Variants in PABPC1L observed in about 807,000 individuals in gnomAD.
The protein encoded by PABPC1L is polyadenylate-binding protein 1-like.
PABPC1L carries 31 observed loss-of-function variants against 66.6 expected under a neutral mutation model. That is an observed-to-expected ratio of 0.47 (90% CI 0.35 to 0.63). The LOEUF is 0.63. Ranked by LOEUF, PABPC1L falls within the 20% of genes least tolerant of loss-of-function variation. The probability of loss-of-function intolerance (pLI) is 0.00; values close to 1 mark genes in which losing one functional copy is unlikely to be tolerated. For synonymous variants in PABPC1L, 348 were observed against 335.1 expected (o/e 1.04, Z -0.42); for missense variants, 722 against 848.8 (o/e 0.85, Z 1.86).
rs192981916 is a variant in PABPC1L, at chr20:44,916,677, G to A, written c.388-79G>A. 3.0e-6 allele frequency: 4 copies of A among 1,335,834 alleles called. No individual in the cohort carries two copies. In the Admixed American group the frequency reaches 6.7e-5, roughly 22 times the overall value. 82.7% of individuals were successfully genotyped at this position (1,335,834 alleles called of 1,614,324 possible). On this transcript the variant is annotated intron_variant, in intron 2 of 14. Transcript: ENST00000217073. The stretch of plus-strand genomic sequence containing the variant: ...CAGGCACAGCAGGCATGCAGAGACT[G>A]GTCGTGATCACCTTTGCCATTCCTT...
intron 10 of PABPC1L, among the ~76,000 whole-genome samples, chr20:44,933,633 CG>C (rs1568651800): frequency 1.7e-4 from 25 of 150,720 alleles, no homozygotes. Flanking sequence ...TTAGTAGAGA[CG>C]GGGTTTCTCC....
intron 7 of PABPC1L, among the ~76,000 whole-genome samples, chr20:44,927,224 A>T (rs1400170532): frequency 1.3e-5 from 2 of 152,124 alleles, no homozygotes; most frequent in Non-Finnish European, 2.9e-5. Context: ...TGAAAATTAA[A>T]GGAATTAATG....
intron 8 of PABPC1L, 38 bp downstream of exon 8, chr20:44,930,764 C>T: frequency 1.3e-6 from 2 of 1,596,866 alleles, no homozygotes; most frequent in African/African-American, 2.7e-5. Context: ...CAGCCTTCCC[C>T]CCTGCCCCAG....
chr20:44,929,659 G>T (rs747810250), intron 7 of PABPC1L, among the ~76,000 whole-genome samples: 66 of 152,016 alleles, frequency 4.3e-4, no homozygotes, highest in South Asian at 8.3e-4. Flanking sequence ...GCCAGGTGTG[G>T]TGGCACACGC....
intron 2 of PABPC1L, 125 bp from the exon 3 acceptor site, chr20:44,916,630 TA>T: frequency 1.2e-6 from 1 of 852,382 alleles, no homozygotes; most frequent in African/African-American, 1.6e-5. Flanking sequence ...ACCCCATCCC[TA>T]ACATGCAGGA....
chr20:44,918,802 A>G, intron 3 of PABPC1L, 104 bp from the exon 4 acceptor site: 2 of 1,375,390 alleles, frequency 1.5e-6, no homozygotes, highest in East Asian at 2.3e-5. Context: ...CTGATGAGGG[A>G]TATGTAAGCC....
intron 7 of PABPC1L, among the ~76,000 whole-genome samples, chr20:44,928,864 C>CAAAAAAAAAGAA (rs2066829040): frequency 1.8e-5 from 1 of 54,358 alleles, no homozygotes; most frequent in Non-Finnish European, 3.0e-5. Context: ...GATCCTGACT[C>CAAAAAAAAAGAA]AAAAAAAAAA....
intron 2 of PABPC1L, 89 bp from the exon 3 acceptor site, chr20:44,916,667 T>A: frequency 1.6e-6 from 2 of 1,230,196 alleles, no homozygotes; most frequent in Non-Finnish European, 2.4e-6. Context: ...ACAGCAGGCA[T>A]GCAGAGACTG....
intron 2 of PABPC1L, among the ~76,000 whole-genome samples, 158 bp downstream of exon 2, chr20:44,913,011 A>G (rs1003801734): frequency 6.6e-6 from 1 of 152,184 alleles, no homozygotes; most frequent in African/African-American, 2.4e-5. Flanking sequence ...TTTCAGTTTC[A>G]TCTTCCGTGA....
intron 7 of PABPC1L, 65 bp downstream of exon 7, chr20:44,924,321 C>T (rs1053822405): frequency 2.4e-6 from 3 of 1,274,810 alleles, no homozygotes; most frequent in Non-Finnish European, 3.4e-6. Flanking sequence ...CATCCCCCCA[C>T]AACCCCACCC....
At position 44,919,196 on chromosome 20, in the gene PABPC1L, T is replaced by C. The variant is rs1568644382; in HGVS notation, c.657T>C (p.Ser219=). The part of the protein sequence containing the change: ...DLFSQFGKML[S]VKVMRDNSGH... ...GGTCCTTTGCAGGGAAAATGCTGAGTGTGAAGGTGATGAGGGACAACAGCG... is the reference window on the plus strand; with the variant it reads ...GGTCCTTTGCAGGGAAAATGCTGAGCGTGAAGGTGATGAGGGACAACAGCG... The change falls in exon 5 of 15, where the codon AGT becomes AGC. Residue 219 remains serine (S), a synonymous_variant. Transcript: ENST00000217073. The C allele has an allele frequency of 6.2e-7, 1 of 1,613,788 alleles. No homozygotes were observed.
intron 10 of PABPC1L, among the ~76,000 whole-genome samples, chr20:44,933,904 A>T (rs998169760): frequency 1.3e-5 from 2 of 151,784 alleles, no homozygotes; most frequent in African/African-American, 4.8e-5. Context: ...GGCATGCGCC[A>T]CCATACTTGG....
At chr20:44,936,599 C>A in intron 11 of PABPC1L, 38 bp from the exon 12 acceptor site, 2 of 1,496,412 alleles carry the variant, frequency 1.3e-6, no homozygotes, top group African/African-American at 1.4e-5. Flanking sequence ...ACATGCCTGT[C>A]CATGGTGATT....
rs368672436 is a variant in PABPC1L, at chr20:44,930,752, C to G, written c.1239+26C>G. The G allele has an allele frequency of 6.2e-6, 10 of 1,603,882 alleles. No homozygotes were observed. The Admixed American group carries it at 1.3e-4, about 22-fold the overall frequency. ...GTGACGGCCTGCCCGCAACTCCCAC[C>G]GCAGCCTTCCCCCCTGCCCCAGCAA... On this transcript the variant is annotated intron_variant, in intron 8 of 14. Coordinates refer to ENST00000217073, the MANE Select transcript of PABPC1L (RefSeq NM_001372179.1).
chr20:44,916,635 T>C (rs2066739345), intron 2 of PABPC1L, 121 bp from the exon 3 acceptor site: 3 of 877,176 alleles, frequency 3.4e-6, no homozygotes, highest in Non-Finnish European at 3.8e-6. Flanking sequence ...ATCCCTAACA[T>C]GCAGGATTGC....
At chr20:44,928,925 T>G (rs2066830954) in intron 7 of PABPC1L, among the ~76,000 whole-genome samples, 1 of 135,904 alleles carries the variant, frequency 7.4e-6, no homozygotes. Context: ...TAAAAATAAC[T>G]CTAGTCCTTA....
Position 44,912,741 on chromosome 20 carries a change from G to A in PABPC1L, c.275G>A (p.Gly92Glu), listed in dbSNP as rs2066713637. The A allele has an allele frequency of 1.2e-6, 2 of 1,614,116 alleles. No homozygotes were observed. Residue 92 changes from glycine to glutamate, a missense_variant, in exon 2 of 15, where the codon GGA becomes GAA. Gly to Glu is a moderately conservative substitution (Grantham distance 98). Coordinates refer to ENST00000217073, the MANE Select transcript of PABPC1L (RefSeq NM_001372179.1). The stretch of plus-strand genomic sequence containing the variant: ...ATCATGTGGTCCCAGCGAGACCCAG[G>A]ACTTCGCAAGTCAGGTGTGGGCAAC... ...IRIMWSQRDP[G>E]LRKSGVGNIF...
At chr20:44,928,882 AAAAG>A (rs2066829915) in intron 7 of PABPC1L, among the ~76,000 whole-genome samples, 1 of 148,728 alleles carries the variant, frequency 6.7e-6, no homozygotes, top group Non-Finnish European at 1.5e-5. Context: ...AAAAAAAAAA[AAAAG>A]AAAAAAAAAA....
chr20:44,912,442 A>C (rs1192938800), intron 1 of PABPC1L, among the ~76,000 whole-genome samples: 1 of 152,128 alleles, frequency 6.6e-6, no homozygotes, highest in Non-Finnish European at 1.5e-5. Flanking sequence ...CATAACTGGA[A>C]GGTTGGGGGA....
Sources: gnomAD v4.1 joint callset for allele counts (sites outside exome capture counted in the v4.1 genomes callset) on GRCh38, gnomAD v4.1.1 for gene constraint, MANE v1.5 for transcripts, NCBI Gene and HGNC (gene_info 2026-07-23, HGNC 2026-07-21) for gene names.